INTS10: variants seen among roughly 807,000 people sequenced by gnomAD.
INTS10 encodes integrator complex subunit 10.
Under a neutral mutation model 94.4 loss-of-function variants are expected in INTS10, and 44 were observed. The observed-to-expected ratio is 0.47, with a 90% confidence interval of 0.37 to 0.60. The LOEUF (loss-of-function observed/expected upper bound fraction) is 0.60. Ranked by LOEUF, INTS10 falls within the 20% of genes least tolerant of loss-of-function variation. The probability of loss-of-function intolerance (pLI) is 0.00; values close to 1 mark genes in which losing one functional copy is unlikely to be tolerated. For missense variants in INTS10, 797 were observed against 868.7 expected (o/e 0.92, Z 1.04); for synonymous variants, 341 against 320.7 (o/e 1.06, Z -0.68).
At chr8:19,818,243 T>G (rs1051290416) in intron 1 of INTS10, 32 bp from the exon 2 acceptor site, 10 of 1,610,598 alleles carry the variant, frequency 6.2e-6, no homozygotes, top group Non-Finnish European at 6.8e-6. Context: ...TGGGCAGGGG[T>G]GAGTGACCAG....
Position 19,822,467 on chromosome 8 carries a change from C to T in INTS10, c.470C>T (p.Ala157Val). ...GVGLGEALLE[A>V]ETIEEQESPV... ...GGCCTTGGGGAGGCACTATTAGAGG[C>T]TGAAACTATTGAAGAACAAGAATCT... The change falls in exon 5 of 17, where the codon GCT (alanine) becomes GTT (valine). Residue 157 changes from alanine to valine, a missense_variant. By Grantham distance (64) the Ala-to-Val change is moderately conservative. Around this residue, in one of 3 missense-constraint regions of INTS10, gnomAD observed 734 missense variants for 787.8 expected, o/e 0.93. Transcript: ENST00000397977. The T allele has an allele frequency of 6.2e-7, 1 of 1,611,946 alleles. No individual in the cohort carries two copies. The highest frequency in any genetic ancestry group is 8.5e-7 in the Non-Finnish European group (1 of 1,178,232).
At position 19,849,749 on chromosome 8, in the gene INTS10, T is replaced by G. The variant is rs76413438; in HGVS notation, c.1977-1900T>G. Among the ~76,000 whole-genome samples the G allele has an allele frequency of 0.021, 3,145 of 152,288 alleles. 97 individuals are homozygous for G. The highest frequency in any genetic ancestry group is 0.07 in the African/African-American group (2,918 of 41,534). On this transcript the variant is annotated intron_variant, in intron 16 of 16. Transcript: ENST00000397977. This position sits in a 1 kb window ranked among gnomAD's most constrained non-coding sequence, Gnocchi z 4.6. ...CCTTACCTTTCTGAATTGAAAATAT[T>G]TGATAGGCTAAAATGCCACATTTAT...
chr8:19,824,817 T>C lies in INTS10; in HGVS notation c.851T>C (p.Ile284Thr). The C allele has an allele frequency of 1.9e-6, 3 of 1,608,828 alleles. No homozygotes were observed. The highest frequency in any genetic ancestry group is 2.5e-6 in the Non-Finnish European group (3 of 1,176,770). ...MDKGRRSYGD[I>T]LHRMKDLCRY... ...TTCCTTTTTAGAAGCTATGGAGATA[T>C]TTTGCATAGAATGAAGGATCTCTGC... Residue 284 changes from isoleucine to threonine, a missense_variant, in exon 8 of 17, where the codon ATT (isoleucine) becomes ACT (threonine). Transcript: ENST00000397977.
intron 13 of INTS10, chr8:19,837,400 T>C (rs183046311): frequency 5.8e-4 from 249 of 426,832 alleles, no homozygotes; most frequent in Non-Finnish European, 9.2e-4. Flanking sequence ...CCTAATGAGA[T>C]AATACTGCTG....
intron 2 of INTS10, chr8:19,818,983 C>G (rs2066157410): frequency 6.6e-6 from 1 of 152,362 alleles, no homozygotes; most frequent in African/African-American, 2.4e-5. Context: ...GGAATAGATT[C>G]TAAGACATTT....
intron 10 of INTS10, 29 bp from the exon 11 acceptor site, chr8:19,831,999 G>T: frequency 7.7e-7 from 1 of 1,293,992 alleles, no homozygotes; most frequent in Non-Finnish European, 1.1e-6. Context: ...GCATATATTT[G>T]GTAAATTTGT....
chr8:19,846,290 G>A lies in INTS10; in HGVS notation c.1976+493G>A, dbSNP rs1321158649. ...TACAAAAAAAAAAAAAAAATTATGT[G>A]GGCATGATAGTGGGCACCTGTAATC... On this transcript the variant is annotated intron_variant, in intron 16 of 16. Coordinates refer to ENST00000397977, the MANE Select transcript of INTS10 (RefSeq NM_018142.4). The surrounding 1 kb of genome is among the most constrained non-coding windows in gnomAD (Gnocchi z 4.2). 6.6e-6 allele frequency among the ~76,000 whole-genome samples: 1 copy of A among 151,816 alleles called. No homozygotes were observed. The highest frequency in any genetic ancestry group is 1.9e-4 in the East Asian group (1 of 5,168).
chr8:19,833,363 G>A, intron 12 of INTS10, 42 bp downstream of exon 12: 2 of 1,419,540 alleles, frequency 1.4e-6, no homozygotes, highest in Admixed American at 2.8e-5. Context: ...GGTGCACGGG[G>A]CCACCTGGCC....
chr8:19,818,065 C>T (rs148329949), intron 1 of INTS10: 19 of 608,164 alleles, frequency 3.1e-5, no homozygotes, highest in Non-Finnish European at 5.0e-5. Context: ...TATTATCCTA[C>T]TTAATCCTGG....
chr8:19,844,132 G>A lies in INTS10; in HGVS notation c.1776G>A (p.Leu592=). The change falls in exon 15 of 17, where the codon TTG becomes TTA. Residue 592 remains leucine (L), a synonymous_variant. Coordinates refer to ENST00000397977, the MANE Select transcript of INTS10 (RefSeq NM_018142.4). ...DDMALGHVIV[L]LQQEWPRGEN... ...TGGCATTGGGGCATGTGATTGTGTT[G>A]CTTCAGCAAGAGTGGCCACGGGGCG... 6.2e-7 allele frequency: 1 copy of A among 1,614,030 alleles called. No homozygotes were observed. Among genetic ancestry groups the A allele is most frequent in the Non-Finnish European group, 8.5e-7 (1 of 1,179,910 alleles).
chr8:19,819,030 A>G (rs950314577), intron 2 of INTS10, among the ~76,000 whole-genome samples: 1 of 152,228 alleles, frequency 6.6e-6, no homozygotes, highest in Non-Finnish European at 1.5e-5. Context: ...AAAATTTGAT[A>G]CGCTATGAAA....
At chr8:19,827,739 C>A (rs938662549) in intron 9 of INTS10, among the ~76,000 whole-genome samples, 1 of 152,146 alleles carries the variant, frequency 6.6e-6, no homozygotes, top group Non-Finnish European at 1.5e-5. Flanking sequence ...CTACCCAATG[C>A]GGAATTTCCA....
Position 19,849,619 on chromosome 8 carries a change from TAC to T in INTS10, c.1977-2029_1977-2028del, listed in dbSNP as rs1563480863. Among the ~76,000 whole-genome samples the T allele has an allele frequency of 1.3e-5, 2 of 152,218 alleles. No individual in the cohort carries two copies. Among genetic ancestry groups the T allele is most frequent in the African/African-American group, 2.4e-5 (1 of 41,464 alleles). ...TTTTAAGTACATTTTTATTTGTGGA[TAC>T]TCATATGAGTGACCAGTCATTATGG... On this transcript the variant is annotated intron_variant, in intron 16 of 16. Transcript: ENST00000397977. The surrounding 1 kb of genome is among the most constrained non-coding windows in gnomAD (Gnocchi z 4.6).
intron 3 of INTS10, among the ~76,000 whole-genome samples, 153 bp downstream of exon 3, chr8:19,819,829 G>C (rs74421165): frequency 0.048 from 7,328 of 152,224 alleles, 256 homozygotes; most frequent in Non-Finnish European, 0.073. Flanking sequence ...TCGGTTCCTT[G>C]ACTTGCTTAG....
chr8:19,850,897 C>T (rs544703428), intron 16 of INTS10, among the ~76,000 whole-genome samples: 1 of 152,256 alleles, frequency 6.6e-6, no homozygotes, highest in African/African-American at 2.4e-5. Flanking sequence ...CCCTGTGTCC[C>T]CACCACCCCT....
intron 8 of INTS10, 32 bp from the exon 9 acceptor site, chr8:19,826,394 T>G: frequency 1.3e-6 from 2 of 1,583,692 alleles, no homozygotes; most frequent in Non-Finnish European, 1.7e-6. Flanking sequence ...CTTGCTGCAC[T>G]GGTAAGTGTT....
At chr8:19,822,311 A>T (rs1243403139) in intron 4 of INTS10, 128 bp from the exon 5 acceptor site, 7 of 570,094 alleles carry the variant, frequency 1.2e-5, no homozygotes, top group Non-Finnish European at 2.2e-5. Flanking sequence ...TTAAAATGTG[A>T]TTATTTGTTT....
At chr8:19,850,355 G>T (rs1209334814) in intron 16 of INTS10, among the ~76,000 whole-genome samples, 1 of 152,120 alleles carries the variant, frequency 6.6e-6, no homozygotes, top group African/African-American at 2.4e-5. Context: ...TACCCATCCA[G>T]ATTTGACGAG....
Position 19,837,174 on chromosome 8 carries a change from T to G in INTS10, c.1639+14T>G. The G allele has an allele frequency of 6.7e-7, 1 of 1,491,000 alleles. No homozygotes were observed. The allele number at this position is 1,491,000 out of a possible 1,614,324, so 92.4% of individuals were successfully genotyped here. On this transcript the variant is annotated intron_variant, in intron 13 of 16. Coordinates refer to ENST00000397977, the MANE Select transcript of INTS10 (RefSeq NM_018142.4). Reference sequence around the variant, plus strand: ...AATTTAGAAAAGGTACAGTGACATGTTTTATGACTATTTTGTAAAAATAGC... The same window carrying G: ...AATTTAGAAAAGGTACAGTGACATGGTTTATGACTATTTTGTAAAAATAGC...
Sources: gnomAD v4.1 joint callset for allele counts (sites outside exome capture counted in the v4.1 genomes callset) on GRCh38, gnomAD v4.1.1 for gene constraint, gnomAD v4.1.1 regional missense constraint, Gnocchi (gnomAD v3.1) non-coding constraint, MANE v1.5 for transcripts, NCBI Gene and HGNC (gene_info 2026-07-23, HGNC 2026-07-21) for gene names.